RNF212: variants seen among roughly 807,000 people sequenced by gnomAD.
RNF212 encodes probable E3 SUMO-protein ligase RNF212.
RNF212 carries 33 observed loss-of-function variants against 34.7 expected under a neutral mutation model. That is an observed-to-expected ratio of 0.95 (90% CI 0.72 to 1.27). The LOEUF (loss-of-function observed/expected upper bound fraction) is 1.27. Ranked by LOEUF, RNF212 falls within the 50% of genes most tolerant of loss-of-function variation. RNF212 has a pLI of 0.00. For synonymous variants in RNF212, 140 were observed against 136.1 expected, an observed-to-expected ratio of 1.03 and a Z score of -0.20; for missense variants, 377 against 362.2, an observed-to-expected ratio of 1.04 and a Z score of -0.33.
intron 2 of RNF212, among the ~76,000 whole-genome samples, chr4:1,105,788 G>A (rs2153064236): frequency 6.6e-6 from 1 of 152,378 alleles, no homozygotes; most frequent in Admixed American, 6.5e-5. Context: ...ATGAGCCAGA[G>A]CTGTTGGTGA....
At chr4:1,080,435 T>C (rs1254378625) in intron 7 of RNF212, among the ~76,000 whole-genome samples, 1 of 152,028 alleles carries the variant, frequency 6.6e-6, no homozygotes, top group African/African-American at 2.4e-5. Flanking sequence ...TGTCTCAGAG[T>C]GGTCCATCCG....
At chr4:1,080,445 G>A (rs190891424) in intron 7 of RNF212, among the ~76,000 whole-genome samples, 7 of 152,186 alleles carry the variant, frequency 4.6e-5, no homozygotes, top group East Asian at 1.9e-4. Flanking sequence ...TGGTCCATCC[G>A]GACACTTGCC....
intron 2 of RNF212, 52 bp from the exon 3 acceptor site, chr4:1,096,891 G>A (rs767836271): frequency 2.2e-6 from 3 of 1,358,466 alleles, no homozygotes; most frequent in Non-Finnish European, 1.1e-6. Context: ...AAACGCTTCT[G>A]GCCCCCAGTT....
downstream of RNF212, among the ~76,000 whole-genome samples, chr4:1,068,814 G>A (rs1718254724): frequency 6.6e-6 from 1 of 152,174 alleles, no homozygotes; most frequent in Non-Finnish European, 1.5e-5. Flanking sequence ...TAATTTCATT[G>A]GATACAGAAT....
At chr4:1,077,881 G>A (rs1160903457) in intron 8 of RNF212, among the ~76,000 whole-genome samples, 1 of 152,242 alleles carries the variant, frequency 6.6e-6, no homozygotes, top group Non-Finnish European at 1.5e-5. Context: ...CACAGCTCCC[G>A]TGTTGCCGGT....
At chr4:1,063,246 G>C (rs1445567716) in intron 3 of RNF212, among the ~76,000 whole-genome samples, 1 of 152,094 alleles carries the variant, frequency 6.6e-6, no homozygotes, top group Non-Finnish European at 1.5e-5. Flanking sequence ...CTCAAAATAT[G>C]CAAAACAATC....
rs1718600243 is a variant in RNF212, at chr4:1,072,388, A to C, written c.*486T>G. On this transcript the variant is annotated 3_prime_UTR_variant, in exon 10 of 10. Coordinates refer to ENST00000433731, the MANE Select transcript of RNF212 (RefSeq NM_001131034.4). ...CATTCGACACCTAGAGTGAACCCTA[A>C]TGTAAACCATGGACGTTGGGTGATA... 6.3e-6 allele frequency: 1 copy of C among 158,748 alleles called. No individual in the cohort carries two copies. Among genetic ancestry groups the C allele is most frequent in the Non-Finnish European group, 1.4e-5 (1 of 72,468 alleles). 9.8% of individuals were successfully genotyped at this position (158,748 alleles called of 1,614,324 possible).
intron 4 of RNF212, 76 bp downstream of exon 4, chr4:1,090,706 G>A: frequency 1.2e-6 from 1 of 814,156 alleles, no homozygotes; most frequent in South Asian, 1.4e-5. Context: ...TTGAGAGCAA[G>A]GTGTTAATTA....
intron 3 of RNF212, among the ~76,000 whole-genome samples, chr4:1,061,533 G>A (rs1717749386): frequency 6.6e-6 from 1 of 152,224 alleles, no homozygotes; most frequent in Non-Finnish European, 1.5e-5. Flanking sequence ...GGCCACAGAA[G>A]TGATGCCACA....
rs115015945 is a variant in RNF212, at chr4:1,109,711, A to G, written c.110-1307T>C. Among the ~76,000 whole-genome samples the G allele has an allele frequency of 5.8e-3, 883 of 151,726 alleles. 6 individuals carry two copies. The highest frequency in any genetic ancestry group is 0.019 in the African/African-American group (784 of 41,410). On this transcript the variant is annotated intron_variant, in intron 1 of 9. Transcript: ENST00000433731. ...CAGCCCTGGCTCATGACCTACCTCA[A>G]TTTCTCTGCCCTCTCCTCTAGACTG...
chr4:1,069,712 G>C (rs1465687656), downstream of RNF212, among the ~76,000 whole-genome samples: 1 of 152,232 alleles, frequency 6.6e-6, no homozygotes, highest in East Asian at 1.9e-4. Context: ...ACCAATAGAG[G>C]ATGGTCTGGT....
intron 7 of RNF212, 94 bp from the exon 8 acceptor site, chr4:1,079,782 T>C: frequency 1.2e-6 from 1 of 864,806 alleles, no homozygotes. Flanking sequence ...GATGTGTAAA[T>C]GTCTAAATCT....
At chr4:1,058,774 G>T (rs1173076229) in intron 3 of RNF212, among the ~76,000 whole-genome samples, 5 of 152,190 alleles carry the variant, frequency 3.3e-5, no homozygotes, top group Non-Finnish European at 5.9e-5. Context: ...GGGGCCCTCG[G>T]CCCGTGGGCT....
chr4:1,064,297 C>T (rs757814155), intron 3 of RNF212, among the ~76,000 whole-genome samples: 4 of 152,200 alleles, frequency 2.6e-5, no homozygotes, highest in Admixed American at 6.5e-5. Context: ...GGAATTCAGT[C>T]GGTGTTCACC....
rs180720807 is a variant in RNF212, at chr4:1,065,820, A to G, written n.148-7427T>C. Among the ~76,000 whole-genome samples the G allele has an allele frequency of 3.4e-5, 5 of 148,206 alleles. 1 individual carries two copies. The highest frequency in any genetic ancestry group is 7.6e-5 in the Non-Finnish European group (5 of 65,404). ...AGGCTGGTCTTGAAGTCCTGACCTCAAGTGATCTGTCCACTTCAGCCTCCC... is the reference window on the plus strand; with the variant it reads ...AGGCTGGTCTTGAAGTCCTGACCTCGAGTGATCTGTCCACTTCAGCCTCCC... On this transcript the variant is annotated intron_variant and non_coding_transcript_variant, in intron 3 of 4. Transcript: ENST00000503206.
intron 2 of RNF212, among the ~76,000 whole-genome samples, chr4:1,105,352 A>C (rs1724646794): frequency 6.6e-6 from 1 of 152,180 alleles, no homozygotes; most frequent in South Asian, 2.1e-4. Flanking sequence ...CACTGGCTTC[A>C]GTCTGCTCTG....
chr4:1,091,849 C>G (rs572389873), intron 3 of RNF212, among the ~76,000 whole-genome samples: 250 of 152,286 alleles, frequency 1.6e-3, no homozygotes, highest in Middle Eastern at 3.4e-3. Flanking sequence ...CTCCCCTACT[C>G]GACAAGGGGA....
intron 1 of RNF212, among the ~76,000 whole-genome samples, chr4:1,109,227 T>C (rs1405946173): frequency 1.3e-5 from 2 of 151,912 alleles, no homozygotes; most frequent in Non-Finnish European, 2.9e-5. Context: ...AGGCTGGTCT[T>C]GAACTCCTGA....
intron 3 of RNF212, among the ~76,000 whole-genome samples, chr4:1,063,630 G>A (rs2153033060): frequency 6.6e-6 from 1 of 151,140 alleles, no homozygotes; most frequent in East Asian, 1.9e-4. Flanking sequence ...GAACCCAGAG[G>A]TGGAGGTTGC....
Sources: allele counts gnomAD v4.1 joint callset (sites outside exome capture counted in the v4.1 genomes callset), GRCh38; gene constraint gnomAD v4.1.1; transcripts MANE v1.5; gene names NCBI Gene and HGNC (gene_info 2026-07-23, HGNC 2026-07-21).